TENM4: variants seen among roughly 807,000 people sequenced by gnomAD.
The protein encoded by TENM4 is teneurin-4.
TENM4 carries 82 observed loss-of-function variants against 243.3 expected under a neutral mutation model. That is an observed-to-expected ratio of 0.34 (90% confidence interval 0.28 to 0.40). The LOEUF is 0.40. Among genes scored for constraint, TENM4 ranks in the 10% least tolerant of loss-of-function variants. TENM4 has a pLI of 1.00. For synonymous variants in TENM4, 1,412 were observed against 1,456.3 expected (o/e 0.97, Z 0.69); for missense variants, 3,138 against 3,673.3 (o/e 0.85, Z 3.77).
chr11:78,805,277 T>TGCCCCCCCACC lies in TENM4; in HGVS notation c.2179+14_2179+15insGGTGGGGGGGC. The stretch of plus-strand genomic sequence containing the variant: ...CCCCTCCCTCTACCCATGCTTCTTC[T>TGCCCCCCCACC]CCCCCTGCATTTACCGATAGAACAG... On this transcript the variant is annotated intron_variant, in intron 15 of 33. Coordinates refer to ENST00000278550, the MANE Select transcript of TENM4 (RefSeq NM_001098816.3). The TGCCCCCCCACC allele has an allele frequency of 2.1e-6, 3 of 1,402,546 alleles. No individual in the cohort carries two copies. Among genetic ancestry groups the TGCCCCCCCACC allele is most frequent in the Non-Finnish European group, 1.9e-6 (2 of 1,033,112 alleles). 86.9% of individuals were successfully genotyped at this position (1,402,546 alleles called of 1,614,324 possible). A position where few individuals can be genotyped will look rare whatever the true frequency, so the allele number is the denominator to read the frequency against.
intron 2 of TENM4, among the ~76,000 whole-genome samples, chr11:79,278,670 C>T (rs1422656229): frequency 2.0e-5 from 3 of 152,182 alleles, no homozygotes; most frequent in South Asian, 2.1e-4. Context: ...TTCCAGAAAC[C>T]TTTCCTGGAC....
At chr11:78,836,648 C>G (rs1428820321) in intron 12 of TENM4, among the ~76,000 whole-genome samples, 2 of 152,264 alleles carry the variant, frequency 1.3e-5, no homozygotes, top group East Asian at 1.9e-4. Context: ...TTTCAAATCT[C>G]AGGATTCTTT....
rs1858287825 is a variant in TENM4, at chr11:78,670,246, G to A, written c.6099C>T (p.Thr2033=). 3 of 1,613,956 alleles carry A rather than the reference G, an allele frequency of 1.9e-6. No homozygotes were observed. Among genetic ancestry groups the A allele is most frequent in the Non-Finnish European group, 2.5e-6 (3 of 1,179,888 alleles). The change falls in exon 32 of 34, where the codon ACC becomes ACT. Residue 2033 remains threonine (T), a synonymous_variant. Coordinates refer to ENST00000278550, the MANE Select transcript of TENM4 (RefSeq NM_001098816.3). ...TLYDTTKVSF[T]YDETAGMLKT... is the part of the protein sequence containing the mutation. ...TCAGCATGCCTGCCGTCTCGTCATA[G>A]GTGAAACTGACCTTGGTGGTGTCAT...
At chr11:79,428,484 C>G (rs1484138484) in intron 1 of TENM4, among the ~76,000 whole-genome samples, 1 of 152,234 alleles carries the variant, frequency 6.6e-6, no homozygotes, top group Non-Finnish European at 1.5e-5. Context: ...CAAGCATTCT[C>G]TCTTCCACTT....
chr11:79,198,393 C>T (rs934624817), intron 3 of TENM4, among the ~76,000 whole-genome samples: 9 of 152,176 alleles, frequency 5.9e-5, no homozygotes, highest in Non-Finnish European at 1.0e-4. Context: ...CCTGGGGAGG[C>T]GCCAGGCCTG....
chr11:78,915,622 T>C (rs964122752), intron 6 of TENM4, among the ~76,000 whole-genome samples: 1 of 151,970 alleles, frequency 6.6e-6, no homozygotes, highest in South Asian at 2.1e-4. Context: ...TTTATTTTTA[T>C]CCACAGTTGG....
intron 5 of TENM4, among the ~76,000 whole-genome samples, chr11:79,066,715 C>T (rs1164654405): frequency 7.2e-6 from 1 of 138,786 alleles, no homozygotes; most frequent in Non-Finnish European, 1.6e-5. Context: ...CACGCATGCA[C>T]ACTCGAGCAC....
intron 1 of TENM4, among the ~76,000 whole-genome samples, chr11:79,429,964 A>G (rs1282616984): frequency 6.6e-6 from 1 of 152,184 alleles, no homozygotes; most frequent in Admixed American, 6.5e-5. Flanking sequence ...CCACAGATAG[A>G]AAGTGTGAGA....
At chr11:79,144,351 G>A (rs527691126) in intron 4 of TENM4, among the ~76,000 whole-genome samples, 15 of 151,986 alleles carry the variant, frequency 9.9e-5, no homozygotes, top group African/African-American at 3.6e-4. Context: ...TAGTACAACC[G>A]CTATGGAGAA....
chr11:78,993,282 T>C (rs1282365739), intron 6 of TENM4, among the ~76,000 whole-genome samples: 4 of 152,198 alleles, frequency 2.6e-5, no homozygotes. Flanking sequence ...AATTCATTTA[T>C]GAAAAAGGGG....
In TENM4 at chr11:79,064,753, C is replaced by T. The variant is rs1198146530; in HGVS notation, c.478G>A (p.Glu160Lys). 6.4e-7 allele frequency: 1 copy of T among 1,551,700 alleles called. No homozygotes were observed. The highest frequency in any genetic ancestry group is 2.4e-5 in the East Asian group (1 of 40,916). Reference protein sequence around the residue: ...SNLTLTDTEHENTETDHPGGL... With the variant: ...SNLTLTDTEHKNTETDHPGGL... ...AGCCACTCACCAGTCTCAGTGTTTT[C>T]ATGCTCGGTGTCGGTGAGTGTGAGA... Residue 160 changes from glutamate (E) to lysine (K), a missense_variant, in exon 6 of 34, where the codon GAA (glutamate) becomes AAA (lysine). Around this residue, in one of 2 missense-constraint regions of TENM4, gnomAD observed 671 missense variants for 614.1 expected, o/e 1.09. Transcript: ENST00000278550.
chr11:79,185,373 A>G (rs143103705), intron 3 of TENM4, among the ~76,000 whole-genome samples: 1 of 152,272 alleles, frequency 6.6e-6, no homozygotes, highest in Admixed American at 6.5e-5. Context: ...AAACCCACAA[A>G]TGTTTAAAAT....
At position 78,893,809 on chromosome 11, in the gene TENM4, TTCTC is replaced by T. The variant is rs1351137405; in HGVS notation, c.750-2477_750-2474del. 3.2e-3 allele frequency among the ~76,000 whole-genome samples: 232 copies of T among 72,274 alleles called. 2 individuals carry two copies. Among genetic ancestry groups the T allele is most frequent in the African/African-American group, 0.022 (204 of 9,372 alleles). 47.4% of individuals were successfully genotyped at this position (72,274 alleles called of 152,430 possible). A position where few individuals can be genotyped will look rare whatever the true frequency, so the allele number is the denominator to read the frequency against. ...CACACACACACACACACTCCTCTCT[TTCTC>T]TCTCTCTCTTTCTGATGAAAAATAA... On this transcript the variant is annotated intron_variant, in intron 7 of 33. Transcript: ENST00000278550.
intron 7 of TENM4, among the ~76,000 whole-genome samples, chr11:78,899,647 G>T (rs1438746383): frequency 6.6e-6 from 1 of 152,008 alleles, no homozygotes. Flanking sequence ...GGTCACGAGG[G>T]TGGATCCTGC....
intron 1 of TENM4, among the ~76,000 whole-genome samples, chr11:79,365,048 C>T (rs190431209): frequency 1.1e-3 from 161 of 152,150 alleles, no homozygotes; most frequent in Middle Eastern, 3.4e-3. Flanking sequence ...GCTTTGATTG[C>T]GAGGATAAAT....
intron 2 of TENM4, among the ~76,000 whole-genome samples, chr11:79,247,594 C>T (rs1192486989): frequency 6.6e-6 from 1 of 152,170 alleles, no homozygotes; most frequent in Non-Finnish European, 1.5e-5. Context: ...TTCATTATCC[C>T]TATTCCTCAC....
intron 2 of TENM4, among the ~76,000 whole-genome samples, chr11:79,243,297 C>T (rs367930723): frequency 6.6e-6 from 1 of 152,092 alleles, no homozygotes; most frequent in Non-Finnish European, 1.5e-5. Flanking sequence ...TGAGGCACCA[C>T]GGTGTGCATG....
chr11:79,053,868 A>T (rs889213991), intron 6 of TENM4, among the ~76,000 whole-genome samples: 2 of 152,160 alleles, frequency 1.3e-5, no homozygotes, highest in Non-Finnish European at 2.9e-5. Flanking sequence ...AAGGAAAGCA[A>T]CCAATTACTA....
intron 3 of TENM4, among the ~76,000 whole-genome samples, chr11:79,176,219 A>G (rs1863155776): frequency 6.6e-6 from 1 of 152,228 alleles, no homozygotes. Context: ...AGGGTCAGTC[A>G]TTCAACTGAT....
Sources: allele counts gnomAD v4.1 joint callset (sites outside exome capture counted in the v4.1 genomes callset), GRCh38; gene constraint gnomAD v4.1.1; regional missense constraint gnomAD v4.1.1; transcripts MANE v1.5; gene names NCBI Gene and HGNC (gene_info 2026-07-23, HGNC 2026-07-21).